The following ASAP1 variants were observed in gnomAD, a reference collection of about 807,000 sequenced individuals.
ASAP1 encodes arf-GAP with SH3 domain, ANK repeat and PH domain-containing protein 1.
A neutral mutation model predicts 145.2 loss-of-function variants in ASAP1; 43 were observed. That is an observed-to-expected ratio of 0.30 (90% confidence interval 0.23 to 0.38). The LOEUF (loss-of-function observed/expected upper bound fraction) is 0.38. Among genes scored for constraint, ASAP1 ranks in the 10% least tolerant of loss-of-function variants. ASAP1 has a pLI of 1.00. For missense variants in ASAP1, 1,018 were observed against 1,355.3 expected, an observed-to-expected ratio of 0.75 and a Z score of 3.91; for synonymous variants, 546 against 515.5, an observed-to-expected ratio of 1.06 and a Z score of -0.80.
chr8:130,112,515 G>A (rs148317171), intron 23 of ASAP1, 193 bp from the exon 24 acceptor site: 56 of 544,444 alleles, frequency 1.0e-4, no homozygotes, highest in African/African-American at 8.9e-4. Flanking sequence ...CTTTCATATC[G>A]TTCACCACTA....
intron 4 of ASAP1, among the ~76,000 whole-genome samples, chr8:130,216,022 GAAAGGAAAGGAA>G (rs1327724363): frequency 7.7e-5 from 11 of 143,054 alleles, no homozygotes; most frequent in South Asian, 2.2e-4. Flanking sequence ...AAGGAAAAAG[GAAAGGAAAGGAA>G]AAAGGAAAGG....
intron 3 of ASAP1, among the ~76,000 whole-genome samples, chr8:130,268,226 C>T (rs2137045986): frequency 6.6e-6 from 1 of 152,258 alleles, no homozygotes; most frequent in East Asian, 1.9e-4. Flanking sequence ...TAGCTCATGC[C>T]TGTAATCCCA....
chr8:130,092,242 GAC>G, intron 24 of ASAP1, 99 bp from the exon 25 acceptor site: 1 of 1,265,866 alleles, frequency 7.9e-7, no homozygotes, highest in Admixed American at 3.2e-5. Context: ...AATGTGGTAT[GAC>G]ACACAGAGAC....
At chr8:130,136,041 G>A (rs1179651234) in intron 14 of ASAP1, among the ~76,000 whole-genome samples, 3 of 152,126 alleles carry the variant, frequency 2.0e-5, no homozygotes, top group African/African-American at 7.2e-5. Context: ...TTGGCTGTGG[G>A]TCTGCCTTGC....
At chr8:130,377,728 A>G (rs1337923480) in intron 2 of ASAP1, among the ~76,000 whole-genome samples, 1 of 152,204 alleles carries the variant, frequency 6.6e-6, no homozygotes, top group Non-Finnish European at 1.5e-5. Flanking sequence ...GCAGAAAGTC[A>G]GAGGAGGGGA....
intron 7 of ASAP1, among the ~76,000 whole-genome samples, chr8:130,185,664 G>A (rs1007983427): frequency 8.0e-5 from 12 of 150,368 alleles, no homozygotes; most frequent in African/African-American, 3.0e-4. Context: ...AGGAGGCAGA[G>A]GCTGCAGTGA....
chr8:130,156,982 G>T (rs1223239297), intron 12 of ASAP1, among the ~76,000 whole-genome samples: 1 of 152,156 alleles, frequency 6.6e-6, no homozygotes, highest in Non-Finnish European at 1.5e-5. Flanking sequence ...GTTAAAAAAT[G>T]ACTTTTATAC....
intron 9 of ASAP1, among the ~76,000 whole-genome samples, chr8:130,171,784 A>G (rs1813613311): frequency 6.6e-6 from 1 of 152,220 alleles, no homozygotes; most frequent in Non-Finnish European, 1.5e-5. Context: ...GAGGTTGGCA[A>G]TGTTCTGCAC....
chr8:130,255,844 G>A (rs1406818906), intron 3 of ASAP1, among the ~76,000 whole-genome samples: 1 of 152,112 alleles, frequency 6.6e-6, no homozygotes, highest in African/African-American at 2.4e-5. Context: ...TAATCCTCTT[G>A]CAAATTACAT....
At chr8:130,209,543 C>A (rs1465145776) in intron 5 of ASAP1, among the ~76,000 whole-genome samples, 1 of 133,188 alleles carries the variant, frequency 7.5e-6, no homozygotes, top group African/African-American at 2.7e-5. Flanking sequence ...TGGTCTTGCT[C>A]TTACAGTAAA....
At chr8:130,189,184 CTAGTT>C (rs1814963121) in intron 5 of ASAP1, among the ~76,000 whole-genome samples, 1 of 152,140 alleles carries the variant, frequency 6.6e-6, no homozygotes, top group Admixed American at 6.6e-5. Context: ...CAATTCCACT[CTAGTT>C]ATTTTGAAAT....
At chr8:130,298,604 C>T (rs1055484999) in intron 3 of ASAP1, among the ~76,000 whole-genome samples, 3 of 152,220 alleles carry the variant, frequency 2.0e-5, no homozygotes, top group Admixed American at 2.0e-4. Context: ...ACCCTAAAGG[C>T]TTTCCATGCC....
intron 3 of ASAP1, among the ~76,000 whole-genome samples, chr8:130,299,076 G>A (rs1458787973): frequency 6.6e-6 from 1 of 152,132 alleles, no homozygotes. Context: ...GGGTAAAGAA[G>A]ACAAGCTAAA....
intron 14 of ASAP1, among the ~76,000 whole-genome samples, chr8:130,135,512 C>CCAAAA (rs1471706911): frequency 2.2e-5 from 3 of 136,780 alleles, no homozygotes; most frequent in Non-Finnish European, 4.8e-5. Flanking sequence ...CAAAAAAAAC[C>CCAAAA]CAAAACAAAA....
At chr8:130,347,610 C>A in intron 3 of ASAP1, among the ~76,000 whole-genome samples, 1 of 152,162 alleles carries the variant, frequency 6.6e-6, no homozygotes, top group East Asian at 1.9e-4. Flanking sequence ...CACCATCACC[C>A]CCAGGCTGAA....
chr8:130,393,771 C>T (rs1828394128), intron 2 of ASAP1, among the ~76,000 whole-genome samples: 1 of 152,084 alleles, frequency 6.6e-6, no homozygotes, highest in Non-Finnish European at 1.5e-5. Flanking sequence ...AAGTCAGGGA[C>T]CCCAAACAGA....
At chr8:130,174,164 C>T (rs1241740767) in intron 9 of ASAP1, among the ~76,000 whole-genome samples, 4 of 149,064 alleles carry the variant, frequency 2.7e-5, no homozygotes, top group Non-Finnish European at 5.9e-5. Flanking sequence ...GGCTCTAAAC[C>T]TTACTATACG....
intron 1 of ASAP1, among the ~76,000 whole-genome samples, chr8:130,417,015 G>T (rs888506908): frequency 6.6e-6 from 1 of 152,210 alleles, no homozygotes; most frequent in Non-Finnish European, 1.5e-5. Flanking sequence ...TTGCATACAC[G>T]CATATGGACA....
At position 130,167,627 on chromosome 8, in the gene ASAP1, GAA is replaced by G. The variant is rs55937708; in HGVS notation, c.823-7_823-6del. ...TTCATCCTGGGTCTGTTTTATCTAT[GAA>G]AAAAAAATTACTTCTATTACTTACC... On this transcript the variant is annotated splice_polypyrimidine_tract_variant and splice_region_variant and intron_variant, in intron 10 of 29. Coordinates refer to ENST00000518721, the MANE Select transcript of ASAP1 (RefSeq NM_018482.4). 1.3e-6 allele frequency: 2 copies of G among 1,586,514 alleles called. No homozygotes were observed. The highest frequency in any genetic ancestry group is 1.1e-5 in the South Asian group (1 of 88,784).
Sources: gnomAD v4.1 joint callset for allele counts (sites outside exome capture counted in the v4.1 genomes callset) on GRCh38, gnomAD v4.1.1 for gene constraint, MANE v1.5 for transcripts, NCBI Gene and HGNC (gene_info 2026-07-23, HGNC 2026-07-21) for gene names.